RPS6KC1: variants seen among roughly 807,000 people sequenced by gnomAD.
The protein encoded by RPS6KC1 is inactive ribosomal protein S6 kinase delta-1.
A neutral mutation model predicts 103.8 loss-of-function variants in RPS6KC1; 54 were observed. That is an observed-to-expected ratio of 0.52 (90% CI 0.42 to 0.65). The LOEUF is 0.65. RPS6KC1 is among the 30% of genes least tolerant of loss of function. The pLI is 0.00. For missense variants in RPS6KC1, 1,151 were observed against 1,253.8 expected, an observed-to-expected ratio of 0.92 and a Z score of 1.24; for synonymous variants, 439 against 438.7, an observed-to-expected ratio of 1.00 and a Z score of -0.01.
the RPS6KC1 span, chr1:213,817,928 C>T: frequency 6.6e-6 from 1 of 152,148 alleles, no homozygotes; most frequent in Non-Finnish European, 1.5e-5. Context: ...GTAATTCTCA[C>T]AATATCTCAA....
chr1:213,307,380 T>G, the RPS6KC1 span, among the ~76,000 whole-genome samples: 1 of 152,208 alleles, frequency 6.6e-6, no homozygotes, highest in East Asian at 1.9e-4. Context: ...GTTTTCCTCT[T>G]GTCAGGATGA....
chr1:213,491,003 G>T, the RPS6KC1 span, among the ~76,000 whole-genome samples: 1 of 152,154 alleles, frequency 6.6e-6, no homozygotes, highest in African/African-American at 2.4e-5. Context: ...GAGCAGGATT[G>T]GTCTTGTTCT....
chr1:213,417,562 C>T, the RPS6KC1 span, among the ~76,000 whole-genome samples: 11 of 151,418 alleles, frequency 7.3e-5, no homozygotes, highest in Non-Finnish European at 1.0e-4. Flanking sequence ...GCTCGGGGTG[C>T]GGCTGGAGGG....
the RPS6KC1 span, among the ~76,000 whole-genome samples, chr1:213,775,053 G>A: frequency 6.6e-6 from 1 of 152,140 alleles, no homozygotes; most frequent in Admixed American, 6.5e-5. Flanking sequence ...GGGACATGGA[G>A]ACCTGACAGA....
At chr1:213,830,807 C>T in the RPS6KC1 span, among the ~76,000 whole-genome samples, 2 of 152,074 alleles carry the variant, frequency 1.3e-5, no homozygotes, top group Admixed American at 1.3e-4. Context: ...CACAAAAATC[C>T]TGGCTTATAT....
At chr1:213,583,252 T>G in the RPS6KC1 span, among the ~76,000 whole-genome samples, 1 of 152,218 alleles carries the variant, frequency 6.6e-6, no homozygotes, top group African/African-American at 2.4e-5. Context: ...GAACATGTTT[T>G]TATTTCTCTT....
At chr1:213,443,421 C>G in the RPS6KC1 span, among the ~76,000 whole-genome samples, 1 of 152,206 alleles carries the variant, frequency 6.6e-6, no homozygotes, top group Non-Finnish European at 1.5e-5. Context: ...ACCTGCACAA[C>G]TCATCACAGT....
chr1:213,212,507 A>G (rs544541480), intron 8 of RPS6KC1, among the ~76,000 whole-genome samples: 2 of 152,300 alleles, frequency 1.3e-5, no homozygotes, highest in African/African-American at 4.8e-5. Flanking sequence ...GTTGCTTCCA[A>G]GTTTTGGCAA....
chr1:213,118,312 GAA>G (rs993922954), intron 5 of RPS6KC1, among the ~76,000 whole-genome samples: 1 of 149,850 alleles, frequency 6.7e-6, no homozygotes, highest in Non-Finnish European at 1.5e-5. Context: ...GAAGGTTACG[GAA>G]AAAAAAAGAT....
At chr1:213,767,972 A>G in the RPS6KC1 span, among the ~76,000 whole-genome samples, 2 of 152,202 alleles carry the variant, frequency 1.3e-5, no homozygotes, top group African/African-American at 4.8e-5. Flanking sequence ...GCAAGCAGAT[A>G]GCAGGTAGGG....
chr1:213,250,215 A>C (rs2094522635), intron 12 of RPS6KC1, among the ~76,000 whole-genome samples: 1 of 152,180 alleles, frequency 6.6e-6, no homozygotes, highest in Non-Finnish European at 1.5e-5. Context: ...AGCACCACAT[A>C]TCCCCTGTCA....
At chr1:213,550,262 A>G in the RPS6KC1 span, among the ~76,000 whole-genome samples, 1 of 152,186 alleles carries the variant, frequency 6.6e-6, no homozygotes, top group African/African-American at 2.4e-5. Context: ...GAAACACTGC[A>G]TCTATTTTTG....
At chr1:213,788,303 CG>C in the RPS6KC1 span, among the ~76,000 whole-genome samples, 1 of 152,076 alleles carries the variant, frequency 6.6e-6, no homozygotes, top group Non-Finnish European at 1.5e-5. Context: ...TTTGTTCTTC[CG>C]TGGTGCAGTA....
At chr1:213,117,892 G>C (rs1170919352) in intron 5 of RPS6KC1, among the ~76,000 whole-genome samples, 2 of 151,254 alleles carry the variant, frequency 1.3e-5, no homozygotes, top group Admixed American at 1.3e-4. Flanking sequence ...TGTGGTGGCA[G>C]GCATTTGTAA....
chr1:213,632,294 T>G, the RPS6KC1 span, among the ~76,000 whole-genome samples: 8 of 152,112 alleles, frequency 5.3e-5, no homozygotes, highest in African/African-American at 1.9e-4. Context: ...CATTCCAAGA[T>G]AGCCAAATAG....
chr1:213,862,130 ATAAGCACGTAT>A, the RPS6KC1 span, among the ~76,000 whole-genome samples: 2 of 152,312 alleles, frequency 1.3e-5, no homozygotes, highest in Non-Finnish European at 2.9e-5. Flanking sequence ...GATTCTTTCA[ATAAGCACGTAT>A]AGACCATTTG....
chr1:213,145,589 C>T (rs1347185624), intron 6 of RPS6KC1, among the ~76,000 whole-genome samples: 3 of 152,030 alleles, frequency 2.0e-5, no homozygotes, highest in African/African-American at 7.2e-5. Flanking sequence ...GGAATAGTGT[C>T]TTCCTAAGAA....
chr1:213,691,846 G>A, the RPS6KC1 span, among the ~76,000 whole-genome samples: 6 of 152,168 alleles, frequency 3.9e-5, no homozygotes. Context: ...TCTTCCGCAA[G>A]CAGGAGGCAG....
the RPS6KC1 span, among the ~76,000 whole-genome samples, chr1:213,403,767 G>T: frequency 1.3e-5 from 2 of 152,088 alleles, no homozygotes; most frequent in South Asian, 4.1e-4. Context: ...CTTATCTGGG[G>T]GAAAAGGGGT....
Sources: gnomAD v4.1 joint callset for allele counts (sites outside exome capture counted in the v4.1 genomes callset) on GRCh38, gnomAD v4.1.1 for gene constraint, MANE v1.5 for transcripts, NCBI Gene and HGNC (gene_info 2026-07-23, HGNC 2026-07-21) for gene names.